TMEM132B: variants seen among roughly 807,000 people sequenced by gnomAD.
The protein encoded by TMEM132B is transmembrane protein 132B.
TMEM132B carries 18 observed loss-of-function variants against 90.8 expected under a neutral mutation model. The ratio of observed to expected loss-of-function variants is 0.20; its 90% CI spans 0.14 to 0.29. The LOEUF (loss-of-function observed/expected upper bound fraction) is 0.29. Ranked by LOEUF, TMEM132B falls within the 10% of genes least tolerant of loss-of-function variation. The pLI is 1.00. For missense variants in TMEM132B, 1,096 were observed against 1,326.8 expected (o/e 0.83, Z 2.70); for synonymous variants, 504 against 523.3 (o/e 0.96, Z 0.50).
chr12:125,510,999 T>C (rs558479825), intron 3 of TMEM132B, among the ~76,000 whole-genome samples: 1 of 152,350 alleles, frequency 6.6e-6, no homozygotes, highest in Non-Finnish European at 1.5e-5. Flanking sequence ...CATTGCATTA[T>C]GTAATTTCAG....
intron 1 of TMEM132B, among the ~76,000 whole-genome samples, chr12:125,343,933 G>C (rs1877275630): frequency 6.6e-6 from 1 of 152,240 alleles, no homozygotes; most frequent in Admixed American, 6.5e-5. Context: ...AGAAGCCAGA[G>C]AGAAACTCAG....
intron 1 of TMEM132B, among the ~76,000 whole-genome samples, chr12:125,190,569 TA>T (rs2136047254): frequency 1.3e-5 from 1 of 79,198 alleles, no homozygotes; most frequent in Non-Finnish European, 2.4e-5. Context: ...GTGATGGTGA[TA>T]GGGAAGGGGT....
chr12:125,653,128 G>A (rs1886968518), intron 8 of TMEM132B, among the ~76,000 whole-genome samples: 1 of 152,202 alleles, frequency 6.6e-6, no homozygotes, highest in Admixed American at 6.5e-5. Context: ...GCCTCACAAT[G>A]CACCTTCCCG....
chr12:125,262,780 A>G (rs921799193), intron 1 of TMEM132B, among the ~76,000 whole-genome samples: 3 of 152,232 alleles, frequency 2.0e-5, no homozygotes, highest in Admixed American at 6.5e-5. Context: ...TGTATTTAAT[A>G]TTCAAGCAAA....
At chr12:125,313,554 GT>G (rs1450533028) in intron 1 of TMEM132B, among the ~76,000 whole-genome samples, 1 of 34,662 alleles carries the variant, frequency 2.9e-5, no homozygotes, top group African/African-American at 1.3e-4. Flanking sequence ...CTCCCCTCCC[GT>G]TTCCCCCTCC....
chr12:125,496,998 A>G (rs1336840608), intron 3 of TMEM132B, among the ~76,000 whole-genome samples: 1 of 152,194 alleles, frequency 6.6e-6, no homozygotes, highest in Non-Finnish European at 1.5e-5. Flanking sequence ...GGTCTCTAAC[A>G]TGGTTGATGA....
At chr12:125,588,218 A>C (rs1166215731) in intron 5 of TMEM132B, 1 of 152,188 alleles carries the variant, frequency 6.6e-6, no homozygotes, top group East Asian at 1.9e-4. Context: ...ACCATCTCTG[A>C]GCCTAGTTTC....
intron 1 of TMEM132B, among the ~76,000 whole-genome samples, chr12:125,292,996 A>G (rs571824438): frequency 6.6e-6 from 1 of 152,354 alleles, no homozygotes; most frequent in Admixed American, 6.5e-5. Context: ...TGCAAGAACA[A>G]TGGATATTTA....
At chr12:125,319,467 C>A (rs1876371600) in intron 1 of TMEM132B, among the ~76,000 whole-genome samples, 1 of 152,198 alleles carries the variant, frequency 6.6e-6, no homozygotes, top group South Asian at 2.1e-4. Context: ...TGACTGGAAG[C>A]CTCTCTTCTG....
intron 1 of TMEM132B, among the ~76,000 whole-genome samples, chr12:125,268,094 G>GGAAC (rs1874739170): frequency 6.6e-6 from 1 of 152,256 alleles, no homozygotes; most frequent in African/African-American, 2.4e-5. Flanking sequence ...AAAAGAAAAA[G>GGAAC]AAACAACAAC....
intron 1 of TMEM132B, among the ~76,000 whole-genome samples, chr12:125,307,565 A>G (rs1336552858): frequency 1.3e-5 from 2 of 151,826 alleles, no homozygotes; most frequent in Admixed American, 6.6e-5. Context: ...AGGGTGTGCT[A>G]TTATTATTAT....
intron 3 of TMEM132B, among the ~76,000 whole-genome samples, chr12:125,493,311 C>T (rs1314832014): frequency 6.6e-6 from 1 of 152,184 alleles, no homozygotes; most frequent in South Asian, 2.1e-4. Flanking sequence ...TTCAACATGC[C>T]CCCTTCTGCC....
intron 4 of TMEM132B, 62 bp from the exon 5 acceptor site, chr12:125,583,789 T>G: frequency 6.3e-7 from 1 of 1,587,502 alleles, no homozygotes; most frequent in Non-Finnish European, 8.6e-7. Flanking sequence ...TGGACACCCC[T>G]CTCCTGCTCG....
chr12:125,313,527 C>CCCCCTCCCGTTTCCCCCT (rs1876170882), intron 1 of TMEM132B, among the ~76,000 whole-genome samples: 1 of 108,274 alleles, frequency 9.2e-6, no homozygotes, highest in Non-Finnish European at 1.9e-5. Context: ...TCATTTCCCA[C>CCCCCTCCCGTTTCCCCCT]CCCCTCCCAT....
chr12:125,542,003 C>T (rs58263792), intron 4 of TMEM132B, among the ~76,000 whole-genome samples: 5,587 of 121,636 alleles, frequency 0.046, 321 homozygotes, highest in African/African-American at 0.15. Flanking sequence ...TCAGCCTGGG[C>T]GACAGAGCAA....
chr12:125,434,225 A>G (rs1593145269), intron 3 of TMEM132B, among the ~76,000 whole-genome samples: 1 of 151,972 alleles, frequency 6.6e-6, no homozygotes, highest in South Asian at 2.1e-4. Context: ...TCATTCTCCG[A>G]CCCTGACGCT....
In TMEM132B at chr12:125,254,946, A is replaced by G. The variant is rs145075296; in HGVS notation, c.67+68080A>G. Among the ~76,000 whole-genome samples the G allele has an allele frequency of 2.5e-3, 384 of 152,056 alleles. 1 individual carries two copies. Among genetic ancestry groups the G allele is most frequent in the African/African-American group, 8.7e-3 (360 of 41,466 alleles). ...GCAATCCACCCGCCTCAGCCTCCCA[A>G]ATTGCTGGGATTACAGGTGTGAGCC... On this transcript the variant is annotated intron_variant, in intron 1 of 8. Transcript: ENST00000682704.
At chr12:125,588,148 T>C (rs1885224963) in intron 5 of TMEM132B, 1 of 152,108 alleles carries the variant, frequency 6.6e-6, no homozygotes, top group East Asian at 1.9e-4. Flanking sequence ...TCCAGACATG[T>C]GATGTTGCTA....
chr12:125,346,765 C>A (rs1462422291), intron 1 of TMEM132B, among the ~76,000 whole-genome samples: 1 of 152,188 alleles, frequency 6.6e-6, no homozygotes, highest in African/African-American at 2.4e-5. Context: ...CTGGAGGAAA[C>A]CCAGGTCTAT....
Sources: gnomAD v4.1 joint callset for allele counts (sites outside exome capture counted in the v4.1 genomes callset) on GRCh38, gnomAD v4.1.1 for gene constraint, MANE v1.5 for transcripts, NCBI Gene and HGNC (gene_info 2026-07-23, HGNC 2026-07-21) for gene names.